SRPX: variants seen among roughly 807,000 people sequenced by gnomAD.
SRPX encodes the protein sushi repeat-containing protein SRPX.
A neutral mutation model predicts 38.1 loss-of-function variants in SRPX; 24 were observed. That is an observed-to-expected ratio of 0.63 (90% CI 0.46 to 0.89). The LOEUF (loss-of-function observed/expected upper bound fraction) is 0.89, where lower values mean the gene tolerates loss of function less well. Ranked by LOEUF, SRPX falls within the 40% of genes least tolerant of loss-of-function variation. The probability of loss-of-function intolerance (pLI) is 0.00; values close to 1 mark genes in which losing one functional copy is unlikely to be tolerated. For missense variants in SRPX, 416 were observed against 377.8 expected (o/e 1.10, Z -0.84); for synonymous variants, 184 against 153.8 (o/e 1.20, Z -1.45).
rs764199465 is a variant in SRPX at position 38,160,715 on chromosome X, C to T, written c.775+218G>A. Among the ~76,000 whole-genome samples the T allele has an allele frequency of 1.8e-3, 197 of 110,927 alleles. 1 individual carries two copies. Among genetic ancestry groups the T allele is most frequent in the Middle Eastern group, 9.3e-3 (2 of 215 alleles). ...GATCCTGTAAGACTAGTCCTGGGAA[C>T]TCCTTAAATAATCTGGCAACACTGA... On this transcript the variant is annotated intron_variant, in intron 6 of 9. Transcript: ENST00000378533.
intron 1 of SRPX, among the ~76,000 whole-genome samples, chrX:38,186,945 T>A (rs978172814): frequency 9.0e-6 from 1 of 111,561 alleles, no homozygotes; most frequent in African/African-American, 3.3e-5. Flanking sequence ...TATAGGTTTT[T>A]TTCCTGAGAG....
At chrX:38,156,762 G>C (rs1347585166) in intron 8 of SRPX, 134 bp downstream of exon 8, 18 of 708,792 alleles carry the variant, frequency 2.5e-5, no homozygotes, top group Admixed American at 3.9e-5. Flanking sequence ...AATGGTGGTA[G>C]CTCTAAAGTG....
intron 1 of SRPX, among the ~76,000 whole-genome samples, chrX:38,184,169 G>A (rs1237403358): frequency 9.0e-6 from 1 of 111,645 alleles, no homozygotes; most frequent in Non-Finnish European, 1.9e-5. Context: ...CTCACCGTAA[G>A]GTAGGGATGT....
chrX:38,178,954 T>C (rs1490619561), intron 1 of SRPX, among the ~76,000 whole-genome samples: 1 of 101,993 alleles, frequency 9.8e-6, no homozygotes, highest in East Asian at 3.0e-4. Flanking sequence ...TTCTTTTTTT[T>C]TTTTTTTTTT....
intron 1 of SRPX, among the ~76,000 whole-genome samples, chrX:38,199,128 T>C (rs1180765109): frequency 2.8e-5 from 3 of 108,232 alleles, no homozygotes; most frequent in Non-Finnish European, 5.8e-5. Context: ...TAGTGTGGGC[T>C]GGGCGCAGTA....
chrX:38,194,350 A>C (rs1238862468), intron 1 of SRPX, among the ~76,000 whole-genome samples: 1 of 112,216 alleles, frequency 8.9e-6, no homozygotes, highest in Non-Finnish European at 1.9e-5. Context: ...CTGACCCATT[A>C]GTTTGGAAGA....
At chrX:38,174,032 C>T (rs1442587269) in intron 3 of SRPX, 128 bp downstream of exon 3, 3 of 462,011 alleles carry the variant, frequency 6.5e-6, no homozygotes, top group East Asian at 4.5e-5. Flanking sequence ...CTTAGAATCC[C>T]CCTGGTGTCC....
At position 38,201,444 on chromosome X, in the gene SRPX, C is replaced by T. The variant is rs188449199; in HGVS notation, c.97+19252G>A. ...TAAGATGCAGTAATCGTACTTCACC[C>T]TGTCTTTCCTACTGAATGCAGCTGA... On this transcript the variant is annotated intron_variant, in intron 1 of 9. Transcript: ENST00000378533. Among the ~76,000 whole-genome samples, 36 of 111,747 alleles carry T rather than the reference C, an allele frequency of 3.2e-4. No individual in the cohort carries two copies. In the East Asian group the frequency reaches 8.4e-3, roughly 26 times the overall value.
At chrX:38,152,478 G>A (rs1299917767) in intron 9 of SRPX, among the ~76,000 whole-genome samples, 2 of 112,165 alleles carry the variant, frequency 1.8e-5, no homozygotes, top group Non-Finnish European at 3.8e-5. Context: ...GCAAATTCTC[G>A]GGTACGACCA....
At position 38,205,172 on chromosome X, in the gene SRPX, C is replaced by G. The variant is rs1160583859; in HGVS notation, c.97+15524G>C. Among the ~76,000 whole-genome samples, 4 of 112,228 alleles carry G rather than the reference C, an allele frequency of 3.6e-5. No homozygotes were observed. The Admixed American group carries it at 3.8e-4, about 11-fold the overall frequency. On this transcript the variant is annotated intron_variant, in intron 1 of 9. Coordinates refer to ENST00000378533, the MANE Select transcript of SRPX (RefSeq NM_006307.5). ...TGGCTAGTCAGCCCTCTACAAGGAG[C>G]AGAAATGTGTGCAAGTTGTTTTGTG...
intron 1 of SRPX, among the ~76,000 whole-genome samples, chrX:38,186,813 T>C (rs961035026): frequency 8.9e-6 from 1 of 112,160 alleles, no homozygotes; most frequent in Admixed American, 9.4e-5. Flanking sequence ...GCCAGACTTC[T>C]AGCCCCCAAA....
intron 9 of SRPX, among the ~76,000 whole-genome samples, chrX:38,153,138 G>A (rs1012968326): frequency 1.8e-5 from 2 of 110,756 alleles, no homozygotes; most frequent in Middle Eastern, 4.2e-3. Context: ...TACTGAAGTC[G>A]GTATGGGGAG....
Position 38,161,036 on chromosome X carries a change from G to T in SRPX, c.672C>A (p.Leu224=), listed in dbSNP as rs201186790. ...CTTCTGGAAAGTTGGAGCCTGGGGG[G>T]AGGCCTTTTAGAATGACACTTAGAG... ...GILTDVILKG[L]PPGSNFPEGD... The change falls in exon 6 of 10, where the codon CTC becomes CTA. Residue 224 remains leucine, a synonymous_variant. Coordinates refer to ENST00000378533, the MANE Select transcript of SRPX (RefSeq NM_006307.5). 260 of 1,208,196 alleles carry T rather than the reference G, an allele frequency of 2.2e-4. No homozygotes were observed. The highest frequency in any genetic ancestry group is 2.7e-4 in the Non-Finnish European group (243 of 894,737).
At chrX:38,186,791 G>A (rs1261343265) in intron 1 of SRPX, among the ~76,000 whole-genome samples, 1 of 111,869 alleles carries the variant, frequency 8.9e-6, no homozygotes, top group African/African-American at 3.3e-5. Context: ...GATTGATATG[G>A]AGGAACATGA....
At position 38,160,171 on chromosome X, in the gene SRPX, G is replaced by A. The variant is rs1938216863; in HGVS notation, c.801C>T (p.Ala267=). 5.0e-6 allele frequency: 6 copies of A among 1,211,849 alleles called. No homozygotes were observed. The highest frequency in any genetic ancestry group is 6.7e-6 in the Non-Finnish European group (6 of 895,479). ...VRVKRCGKLN[A]PENGYMKCSS... ...AGCACTTCATGTAACCATTCTCTGG[G>A]GCATTGAGTTTGCCACAGCGTTTGA... Residue 267 remains alanine (A), a synonymous_variant, in exon 7 of 10, where the codon GCC becomes GCT. Coordinates refer to ENST00000378533, the MANE Select transcript of SRPX (RefSeq NM_006307.5).
At position 38,170,164 on chromosome X, in the gene SRPX, T is replaced by C. The variant is rs1308071980; in HGVS notation, c.526+1717A>G. Reference sequence around the variant, plus strand: ...GAACTGACCACCTCAGAGTCCAAAGTAAGCCCAGTCTTCTCTCTTCCCTCA... The same window carrying C: ...GAACTGACCACCTCAGAGTCCAAAGCAAGCCCAGTCTTCTCTCTTCCCTCA... On this transcript the variant is annotated intron_variant, in intron 4 of 9. Transcript: ENST00000378533. Among the ~76,000 whole-genome samples the C allele has an allele frequency of 4.5e-5, 5 of 111,597 alleles. No homozygotes were observed. The Admixed American group carries it at 4.8e-4, about 11-fold the overall frequency.
chrX:38,161,554 C>T (rs1938263853), intron 5 of SRPX, among the ~76,000 whole-genome samples: 1 of 111,671 alleles, frequency 9.0e-6, no homozygotes, highest in Non-Finnish European at 1.9e-5. Flanking sequence ...GACCTAAAGG[C>T]AAGTTCTCTG....
At position 38,161,003 on chromosome X, in the gene SRPX, G is replaced by T. The variant is rs200538782; in HGVS notation, c.705C>A (p.His235Gln). Residue 235 changes from histidine (H) to glutamine (Q), a missense_variant, in exon 6 of 10, where the codon CAC (histidine) becomes CAA (glutamine). By Grantham distance (24) the His-to-Gln change is conservative (BLOSUM62 0). Coordinates refer to ENST00000378533, the MANE Select transcript of SRPX (RefSeq NM_006307.5). ...TGTCATAGACTGTGTACTGGATCTT[G>T]TGGTCTCCTTCTGGAAAGTTGGAGC... ...PPGSNFPEGDHKIQYTVYDRA... is the reference protein window; with the variant it reads ...PPGSNFPEGDQKIQYTVYDRA... 178 of 1,208,588 alleles carry T rather than the reference G, an allele frequency of 1.5e-4. No homozygotes were observed. The highest frequency in any genetic ancestry group is 2.0e-5 in the Non-Finnish European group (18 of 894,664).
intron 1 of SRPX, among the ~76,000 whole-genome samples, chrX:38,185,471 C>A (rs1938757770): frequency 8.9e-6 from 1 of 111,873 alleles, no homozygotes; most frequent in Non-Finnish European, 1.9e-5. Context: ...GAACAAAGAT[C>A]AAATCCAAGG....
Sources: allele counts gnomAD v4.1 joint callset (sites outside exome capture counted in the v4.1 genomes callset), GRCh38; gene constraint gnomAD v4.1.1; transcripts MANE v1.5; gene names NCBI Gene and HGNC (gene_info 2026-07-23, HGNC 2026-07-21).